The following TPRG1 variants were observed in gnomAD, a reference collection of about 807,000 sequenced individuals.
TPRG1 encodes tumor protein p63 regulated 1, also known as tumor protein p63-regulated gene 1 protein.
In TPRG1, 29 loss-of-function variants were observed where a neutral mutation model predicts 29.3. The ratio of observed to expected loss-of-function variants is 0.99; its 90% confidence interval spans 0.74 to 1.35. The LOEUF (loss-of-function observed/expected upper bound fraction) is 1.35, where lower values mean the gene tolerates loss of function less well. Ranked by LOEUF, TPRG1 falls within the 40% of genes most tolerant of loss-of-function variation. TPRG1 has a pLI of 0.00. For missense variants in TPRG1, 327 were observed against 335.0 expected (o/e 0.98, Z 0.19); for synonymous variants, 130 against 116.8 (o/e 1.11, Z -0.73).
chr3:189,246,254 G>A (rs142484196), intron 4 of TPRG1, among the ~76,000 whole-genome samples: 162 of 152,110 alleles, frequency 1.1e-3, no homozygotes, highest in African/African-American at 3.8e-3. Flanking sequence ...TTCACCTTCC[G>A]CTATGATTAT....
intron 4 of TPRG1, among the ~76,000 whole-genome samples, chr3:189,256,161 T>A (rs1711836325): frequency 6.6e-6 from 1 of 152,232 alleles, no homozygotes; most frequent in African/African-American, 2.4e-5. Context: ...GTGCTATAAA[T>A]TTCCTTCTAC....
chr3:189,205,181 T>C (rs1426175362), intron 1 of TPRG1, among the ~76,000 whole-genome samples: 2 of 152,224 alleles, frequency 1.3e-5, no homozygotes, highest in Non-Finnish European at 2.9e-5. Context: ...GTGGTTCCCA[T>C]CTACTCTGTG....
chr3:189,090,003 A>G (rs544192166), intron 4 of TPRG1, among the ~76,000 whole-genome samples: 36 of 151,860 alleles, frequency 2.4e-4, no homozygotes, highest in Non-Finnish European at 4.3e-4. Flanking sequence ...TATTTTATTA[A>G]TACTTATTTT....
chr3:189,097,476 CT>C (rs935393413), upstream of TPRG1, among the ~76,000 whole-genome samples: 1 of 152,182 alleles, frequency 6.6e-6, no homozygotes, highest in African/African-American at 2.4e-5. Context: ...TGCACAACTA[CT>C]TTTTCTTGAG....
At chr3:189,139,485 C>T (rs1000664821) in intron 3 of TPRG1, among the ~76,000 whole-genome samples, 3 of 152,104 alleles carry the variant, frequency 2.0e-5, no homozygotes, top group African/African-American at 7.2e-5. Context: ...CAGTGCGTGC[C>T]GCATCTGACA....
At chr3:189,138,671 A>G (rs1724099790) in intron 3 of TPRG1, among the ~76,000 whole-genome samples, 1 of 152,202 alleles carries the variant, frequency 6.6e-6, no homozygotes, top group Non-Finnish European at 1.5e-5. Flanking sequence ...TTTGGCTAGA[A>G]CTTAGCCACC....
chr3:189,119,875 T>G (rs1322225277), intron 1 of TPRG1, among the ~76,000 whole-genome samples: 1 of 152,156 alleles, frequency 6.6e-6, no homozygotes, highest in Non-Finnish European at 1.5e-5. Context: ...TACACGCAGG[T>G]TCCAGTAATG....
intron 4 of TPRG1, among the ~76,000 whole-genome samples, chr3:189,042,713 A>C (rs184688447): frequency 2.0e-5 from 3 of 152,228 alleles, no homozygotes; most frequent in Non-Finnish European, 4.4e-5. Context: ...TCATGCTTGA[A>C]GAAAAGTATG....
At chr3:189,149,885 A>G (rs1020185153) in intron 4 of TPRG1, among the ~76,000 whole-genome samples, 1 of 152,064 alleles carries the variant, frequency 6.6e-6, no homozygotes, top group Non-Finnish European at 1.5e-5. Context: ...TCATTGCATG[A>G]CTTTTCCCAG....
At chr3:189,262,491 C>A (rs1452493758) in intron 4 of TPRG1, among the ~76,000 whole-genome samples, 2 of 151,926 alleles carry the variant, frequency 1.3e-5, no homozygotes, top group Admixed American at 6.6e-5. Flanking sequence ...CTGGGCTGGG[C>A]AGTATGATCC....
intron 4 of TPRG1, among the ~76,000 whole-genome samples, chr3:189,262,307 G>GT (rs1341429509): frequency 1.3e-5 from 2 of 151,508 alleles, no homozygotes; most frequent in African/African-American, 2.4e-5. Context: ...ACTGGATTGG[G>GT]TTTTTTCTGG....
intron 4 of TPRG1, among the ~76,000 whole-genome samples, chr3:189,264,054 G>C (rs1713608657): frequency 1.3e-5 from 2 of 152,074 alleles, no homozygotes; most frequent in Admixed American, 1.3e-4. Context: ...GCCATATGAA[G>C]TCTCCACCTC....
At chr3:189,022,645 C>T (rs1044184844) in intron 3 of TPRG1, among the ~76,000 whole-genome samples, 6 of 152,292 alleles carry the variant, frequency 3.9e-5, no homozygotes, top group African/African-American at 7.2e-5. Context: ...AGCTGTCAGA[C>T]AGGGACATTT....
In TPRG1 at chr3:189,207,514, C is replaced by A. The variant is rs1734580095; in HGVS notation, c.130C>A (p.Gln44Lys). 6.2e-7 allele frequency: 1 copy of A among 1,613,946 alleles called. No homozygotes were observed. Among genetic ancestry groups the A allele is most frequent in the African/African-American group, 1.3e-5 (1 of 74,900 alleles). The change falls in exon 2 of 6, where the codon CAG becomes AAG. Residue 44 changes from glutamine (Q) to lysine (K), a missense_variant. Transcript: ENST00000345063. ...EDPMPRQISR[Q>K]SSVTESTLYP... ...CCCGATGCCAAGACAGATTTCAAGG[C>A]AGTCAAGTGTGACCGAATCAACTCT...
intron 3 of TPRG1, among the ~76,000 whole-genome samples, chr3:189,218,242 T>A (rs1340221841): frequency 6.6e-6 from 1 of 151,918 alleles, no homozygotes. Context: ...GCCTCCTGAG[T>A]AGCTGGGACT....
chr3:189,133,035 G>T (rs867162343), intron 3 of TPRG1, among the ~76,000 whole-genome samples: 31 of 152,136 alleles, frequency 2.0e-4, no homozygotes, highest in African/African-American at 7.5e-4. Flanking sequence ...ATACCATGAT[G>T]GTGCAAGGAA....
At chr3:189,119,563 G>A (rs1260620389) in intron 1 of TPRG1, among the ~76,000 whole-genome samples, 1 of 152,190 alleles carries the variant, frequency 6.6e-6, no homozygotes, top group Non-Finnish European at 1.5e-5. Context: ...ATCTCCACAT[G>A]TCGTGGGAGG....
At chr3:189,143,059 T>C (rs1223411579) in intron 3 of TPRG1, among the ~76,000 whole-genome samples, 1 of 152,248 alleles carries the variant, frequency 6.6e-6, no homozygotes, top group Non-Finnish European at 1.5e-5. Context: ...TATCTTTTGG[T>C]ATTACTAAAT....
chr3:189,296,532 T>C (rs1719953917), intron 4 of TPRG1, among the ~76,000 whole-genome samples: 1 of 152,050 alleles, frequency 6.6e-6, no homozygotes, highest in African/African-American at 2.4e-5. Context: ...AGAAGGAGGG[T>C]GTTTCATGGC....
Sources: gnomAD v4.1 joint callset for allele counts (sites outside exome capture counted in the v4.1 genomes callset) on GRCh38, gnomAD v4.1.1 for gene constraint, MANE v1.5 for transcripts, NCBI Gene and HGNC (gene_info 2026-07-23, HGNC 2026-07-21) for gene names.